Variants in CSMD2 observed in about 807,000 individuals in gnomAD.
The protein encoded by CSMD2 is CUB and Sushi multiple domains 2.
CSMD2 carries 130 observed loss-of-function variants against 398.5 expected under a neutral mutation model. The ratio of observed to expected loss-of-function variants is 0.33; its 90% confidence interval spans 0.28 to 0.38. The LOEUF is 0.38. Among genes scored for constraint, CSMD2 ranks in the 10% least tolerant of loss-of-function variants. The probability of loss-of-function intolerance (pLI) is 1.00; values close to 1 mark genes in which losing one functional copy is unlikely to be tolerated. For synonymous variants in CSMD2, 1,828 were observed against 1,908.5 expected (o/e 0.96, Z 1.10); for missense variants, 3,829 against 4,764.9 (o/e 0.80, Z 5.78).
chr1:33,992,282 A>C (rs1033634990), intron 3 of CSMD2, among the ~76,000 whole-genome samples: 2 of 152,148 alleles, frequency 1.3e-5, no homozygotes, highest in Admixed American at 1.3e-4. Context: ...AGTACGGCTC[A>C]CTGAAGCCTC....
At chr1:33,593,166 A>G (rs1204577261) in intron 44 of CSMD2, among the ~76,000 whole-genome samples, 1 of 152,190 alleles carries the variant, frequency 6.6e-6, no homozygotes, top group Non-Finnish European at 1.5e-5. Flanking sequence ...ATGCTATAAC[A>G]TGGAACCTTG....
chr1:33,590,554 G>C (rs558663595), intron 44 of CSMD2, among the ~76,000 whole-genome samples: 1 of 147,506 alleles, frequency 6.8e-6, no homozygotes, highest in East Asian at 2.1e-4. Context: ...TTTTGCTGTA[G>C]GATCTTGGGT....
intron 4 of CSMD2, among the ~76,000 whole-genome samples, chr1:33,927,476 C>A (rs1644166560): frequency 6.6e-6 from 1 of 152,138 alleles, no homozygotes; most frequent in Non-Finnish European, 1.5e-5. Context: ...TGCATTTTCC[C>A]CTTTAATCTT....
chr1:34,159,717 G>A (rs1312636213), intron 1 of CSMD2, among the ~76,000 whole-genome samples: 3 of 152,200 alleles, frequency 2.0e-5, no homozygotes, highest in African/African-American at 7.2e-5. Flanking sequence ...ACATCCAAGT[G>A]CTTAAGACAG....
At chr1:33,897,706 TC>T (rs1350734604) in intron 5 of CSMD2, among the ~76,000 whole-genome samples, 1 of 152,088 alleles carries the variant, frequency 6.6e-6, no homozygotes, top group Non-Finnish European at 1.5e-5. Context: ...CAAAATGAGC[TC>T]AATTCACCTG....
At chr1:33,722,924 T>G (rs779065040) in intron 19 of CSMD2, among the ~76,000 whole-genome samples, 46 of 152,204 alleles carry the variant, frequency 3.0e-4, no homozygotes, top group Non-Finnish European at 5.0e-4. Flanking sequence ...TTTTTTTTTC[T>G]TTTGTTCCAA....
chr1:34,077,456 CAAAAAAAAAA>C (rs34856451), intron 2 of CSMD2, among the ~76,000 whole-genome samples: 1 of 28,506 alleles, frequency 3.5e-5, no homozygotes, highest in Non-Finnish European at 6.2e-5. Flanking sequence ...AACTCCGTCT[CAAAAAAAAAA>C]AAAAAAAAAA....
intron 15 of CSMD2, among the ~76,000 whole-genome samples, chr1:33,737,380 A>G (rs1360075799): frequency 1.3e-5 from 2 of 152,238 alleles, no homozygotes; most frequent in Non-Finnish European, 2.9e-5. Context: ...GATCCCCCAA[A>G]GTGGAGCAAA....
intron 25 of CSMD2, among the ~76,000 whole-genome samples, chr1:33,682,669 T>C (rs1053119880): frequency 6.6e-6 from 1 of 152,164 alleles, no homozygotes; most frequent in African/African-American, 2.4e-5. Context: ...TGTACTTGCC[T>C]GTGTGAGTCG....
chr1:33,915,173 A>T (rs184062257), intron 5 of CSMD2, among the ~76,000 whole-genome samples: 1 of 152,232 alleles, frequency 6.6e-6, no homozygotes. Context: ...GTCCAAATCC[A>T]TCTTTGCTAA....
At chr1:33,744,574 T>C (rs1647204337) in intron 13 of CSMD2, among the ~76,000 whole-genome samples, 1 of 152,008 alleles carries the variant, frequency 6.6e-6, no homozygotes, top group Admixed American at 6.6e-5. Flanking sequence ...AAGAAAGTGC[T>C]GTAAATGAGA....
intron 25 of CSMD2, among the ~76,000 whole-genome samples, chr1:33,667,051 T>C (rs1644341117): frequency 6.6e-6 from 1 of 152,248 alleles, no homozygotes; most frequent in Middle Eastern, 3.4e-3. Context: ...ATACTTGAGT[T>C]CAGGTGGTAT....
chr1:34,136,598 G>T (rs932337856), intron 1 of CSMD2, among the ~76,000 whole-genome samples: 1 of 152,148 alleles, frequency 6.6e-6, no homozygotes, highest in Non-Finnish European at 1.5e-5. Context: ...CTTGGGATAG[G>T]AGCCTGGACT....
intron 12 of CSMD2, among the ~76,000 whole-genome samples, chr1:33,787,355 G>A (rs936398363): frequency 4.6e-5 from 7 of 152,188 alleles, no homozygotes; most frequent in Non-Finnish European, 1.0e-4. Flanking sequence ...GGAGCAGGAG[G>A]AACCTATGGT....
At position 33,572,661 on chromosome 1, in the gene CSMD2, T is replaced by C. The variant is rs757669040; in HGVS notation, c.7607A>G (p.Lys2536Arg). ...ALSCGLPEAP[K>R]NGMVFGKEYT... ...CTCCTTGCCAAACACCATTCCATTC[T>C]TGGGGGCCTCAGGAAGCCCACAGGA... Residue 2536 changes from lysine to arginine, a missense_variant, in exon 50 of 71, where the codon AAG becomes AGG. Physicochemically the swap from Lys to Arg is conservative, Grantham distance 26. Transcript: ENST00000373381. The C allele has an allele frequency of 2.5e-6, 4 of 1,612,840 alleles. No individual in the cohort carries two copies. The highest frequency in any genetic ancestry group is 3.4e-6 in the Non-Finnish European group (4 of 1,179,128).
intron 32 of CSMD2, among the ~76,000 whole-genome samples, chr1:33,627,637 C>A (rs1265967371): frequency 6.6e-6 from 1 of 152,198 alleles, no homozygotes; most frequent in East Asian, 1.9e-4. Context: ...GAGCAGAGAG[C>A]TTTTGCAAGG....
intron 14 of CSMD2, among the ~76,000 whole-genome samples, chr1:33,740,209 C>G (rs2149248077): frequency 6.6e-6 from 1 of 152,296 alleles, no homozygotes; most frequent in South Asian, 2.1e-4. Context: ...GATACTCTTT[C>G]CTGCTCAGTC....
rs1640290618 is a variant in CSMD2 at position 33,602,471 on chromosome 1, G to A, written c.6608C>T (p.Ser2203Phe). 4 of 1,613,782 alleles carry A rather than the reference G, an allele frequency of 2.5e-6. No homozygotes were observed. In the South Asian group the frequency reaches 3.3e-5, roughly 13 times the overall value. ...GGTGATCAGCCAGACACAGTCCTGG[G>A]AGCTGGAGTACGGGCTAGGGAACCC... ...SPGFPSPYSS[S>F]QDCVWLITVP... The change falls in exon 43 of 71, where the codon TCC becomes TTC. Residue 2203 changes from serine (S) to phenylalanine (F), a missense_variant. By Grantham distance (155) the Ser-to-Phe change is radical. Around this residue, in one of 5 missense-constraint regions of CSMD2, gnomAD observed 723 missense variants for 758.6 expected, o/e 0.95. Coordinates refer to ENST00000373381, the MANE Select transcript of CSMD2 (RefSeq NM_001281956.2).
chr1:33,635,064 C>T lies in CSMD2; in HGVS notation c.5086+150G>A, dbSNP rs568007622. On this transcript the variant is annotated intron_variant, in intron 31 of 70. Coordinates refer to ENST00000373381, the MANE Select transcript of CSMD2 (RefSeq NM_001281956.2). This position sits in a 1 kb window ranked among gnomAD's most constrained non-coding sequence, Gnocchi z 5.0. ...TGTATTCTGCAGCCCGTTTGAGAAA[C>T]GTCAGCACTCGGCCGTCCTTTTGGG... is the stretch of plus-strand genomic sequence containing the variant. 66 of 579,546 alleles carry T rather than the reference C, an allele frequency of 1.1e-4. No individual in the cohort carries two copies. Among genetic ancestry groups the T allele is most frequent in the African/African-American group, 6.4e-4 (34 of 53,394 alleles). The allele number at this position is 579,546 out of a possible 1,614,324, so 35.9% of individuals were successfully genotyped here.
Sources: allele counts gnomAD v4.1 joint callset (sites outside exome capture counted in the v4.1 genomes callset), GRCh38; gene constraint gnomAD v4.1.1; regional missense constraint gnomAD v4.1.1; non-coding constraint Gnocchi (gnomAD v3.1); transcripts MANE v1.5; gene names NCBI Gene and HGNC (gene_info 2026-07-23, HGNC 2026-07-21).